The following RAD51B variants were observed in gnomAD, a reference collection of about 807,000 sequenced individuals.
RAD51B encodes RAD51 paralog B, also known as DNA repair protein RAD51 homolog 2.
In RAD51B, 38 loss-of-function variants were observed where a neutral mutation model predicts 42.2. The observed-to-expected ratio is 0.90, with a 90% CI of 0.70 to 1.18. The LOEUF is 1.18. RAD51B is among the 50% of genes most tolerant of loss of function. RAD51B has a pLI of 0.00. For missense variants in RAD51B, 373 were observed against 400.7 expected, an observed-to-expected ratio of 0.93 and a Z score of 0.59; for synonymous variants, 154 against 145.2, an observed-to-expected ratio of 1.06 and a Z score of -0.43.
chr14:68,600,356 C>T (rs1219381630), downstream of RAD51B, among the ~76,000 whole-genome samples: 1 of 152,186 alleles, frequency 6.6e-6, no homozygotes, highest in Admixed American at 6.5e-5. Flanking sequence ...GGCATTGGGC[C>T]AGCATGCTGG....
At chr14:68,600,808 C>T (rs1891187231), downstream of RAD51B, among the ~76,000 whole-genome samples, 1 of 152,180 alleles carries the variant, frequency 6.6e-6, no homozygotes, top group Non-Finnish European at 1.5e-5. Flanking sequence ...TCATCATCAT[C>T]ACCAGAGGTG....
At chr14:68,162,118 GAAAT>G (rs1395834099) in intron 7 of RAD51B, among the ~76,000 whole-genome samples, 1 of 152,172 alleles carries the variant, frequency 6.6e-6, no homozygotes. Context: ...AGTTTTGAGA[GAAAT>G]AAGTAATAGA....
chr14:68,682,916 T>G, intron 11 of RAD51B: 1 of 698,400 alleles, frequency 1.4e-6, no homozygotes, highest in Non-Finnish European at 1.7e-6. Context: ...ATGGCTTTTT[T>G]TTTTTTTTTT....
chr14:67,861,935 G>T (rs2042177277), intron 4 of RAD51B, among the ~76,000 whole-genome samples: 2 of 150,908 alleles, frequency 1.3e-5, no homozygotes, highest in South Asian at 4.2e-4. Context: ...AAAATATTTT[G>T]TATACTCTTC....
chr14:68,342,254 A>G (rs2082585977), intron 8 of RAD51B, among the ~76,000 whole-genome samples: 1 of 152,208 alleles, frequency 6.6e-6, no homozygotes, highest in Non-Finnish European at 1.5e-5. Flanking sequence ...GTGGAATTAA[A>G]TTCTATCCTA....
intron 7 of RAD51B, among the ~76,000 whole-genome samples, chr14:67,987,971 T>C (rs1292306587): frequency 6.6e-6 from 1 of 152,204 alleles, no homozygotes; most frequent in East Asian, 1.9e-4. Flanking sequence ...CTTTTTGAAT[T>C]GCTCAGGTAG....
intron 7 of RAD51B, among the ~76,000 whole-genome samples, chr14:68,140,347 G>C (rs573136106): frequency 6.6e-6 from 1 of 152,170 alleles, no homozygotes; most frequent in African/African-American, 2.4e-5. Context: ...CTTGGCAGAA[G>C]ATTTGAACGT....
At chr14:68,454,279 C>G (rs1246686015) in intron 9 of RAD51B, among the ~76,000 whole-genome samples, 1 of 152,096 alleles carries the variant, frequency 6.6e-6, no homozygotes, top group African/African-American at 2.4e-5. Context: ...TTAGGAGACT[C>G]AATTTTCAGC....
chr14:68,639,769 GTT>G (rs375477358), intron 10 of RAD51B, among the ~76,000 whole-genome samples: 9 of 151,630 alleles, frequency 5.9e-5, no homozygotes, highest in Non-Finnish European at 1.5e-5. Context: ...GTTTTGTTTT[GTT>G]TTTTTTGTTG....
rs573947500 is a variant in RAD51B, at chr14:68,607,738, C to T, written c.1037-3268C>T. Among the ~76,000 whole-genome samples the T allele has an allele frequency of 5.9e-5, 9 of 152,304 alleles. 1 individual carries two copies. The highest frequency in any genetic ancestry group is 1.9e-4 in the African/African-American group (8 of 41,574). ...GATACCATGGGGCACCAGGAAAGGA[C>T]GGGGAGCACACAGCCCCGGGGAGGC... On this transcript the variant is annotated intron_variant, in intron 10 of 10. Coordinates refer to the RAD51B transcript ENST00000487861.
chr14:67,872,977 A>C (rs549852765), intron 5 of RAD51B, among the ~76,000 whole-genome samples: 1 of 152,374 alleles, frequency 6.6e-6, no homozygotes, highest in African/African-American at 2.4e-5. Flanking sequence ...ACCTAAAACC[A>C]TAAAAACCCT....
At chr14:68,370,370 C>G (rs2083228548) in intron 8 of RAD51B, among the ~76,000 whole-genome samples, 1 of 152,160 alleles carries the variant, frequency 6.6e-6, no homozygotes, top group Non-Finnish European at 1.5e-5. Flanking sequence ...TTTTAAAGTT[C>G]CTTTGTGTAC....
intron 7 of RAD51B, among the ~76,000 whole-genome samples, chr14:67,940,051 TATA>T (rs1291392253): frequency 4.0e-4 from 7 of 17,364 alleles, no homozygotes; most frequent in African/African-American, 7.4e-4. Context: ...TATATATATA[TATA>T]TTTTTTTTTT....
chr14:67,977,034 T>C (rs1741221481), intron 7 of RAD51B, among the ~76,000 whole-genome samples: 1 of 152,238 alleles, frequency 6.6e-6, no homozygotes, highest in South Asian at 2.1e-4. Context: ...TCACACCAGT[T>C]AGAATGGCAA....
intron 9 of RAD51B, among the ~76,000 whole-genome samples, chr14:68,464,517 T>C (rs2085925123): frequency 1.3e-5 from 2 of 152,242 alleles, no homozygotes; most frequent in South Asian, 4.1e-4. Flanking sequence ...TGGGTGTAAT[T>C]GAATACATCA....
chr14:68,474,178 A>C (rs1882353415), intron 10 of RAD51B, among the ~76,000 whole-genome samples: 1 of 152,224 alleles, frequency 6.6e-6, no homozygotes, highest in Admixed American at 6.5e-5. Flanking sequence ...TTTAGGTATG[A>C]GAGTTTCACT....
rs141981511 is a variant in RAD51B, at chr14:68,668,749, C to T, written c.*11+17893C>T. On this transcript the variant is annotated intron_variant, in intron 11 of 11. Coordinates refer to the RAD51B transcript ENST00000488612. ...TCCTGCACCCCCAGGCACGCTGATC[C>T]GTGACATCTCTCCCAATCGCTGGTT... Among the ~76,000 whole-genome samples the T allele has an allele frequency of 3.2e-3, 495 of 152,350 alleles. 1 individual carries two copies. Among genetic ancestry groups the T allele is most frequent in the Non-Finnish European group, 5.8e-3 (395 of 68,030 alleles).
chr14:67,895,065 G>C (rs995757418), intron 7 of RAD51B, among the ~76,000 whole-genome samples: 1 of 152,204 alleles, frequency 6.6e-6, no homozygotes, highest in Non-Finnish European at 1.5e-5. Flanking sequence ...ATGAGCCACT[G>C]TGCCTGGCCA....
chr14:68,129,180 AAACTAG>A (rs2077834484), intron 7 of RAD51B, among the ~76,000 whole-genome samples: 1 of 152,172 alleles, frequency 6.6e-6, no homozygotes, highest in Admixed American at 6.5e-5. Context: ...AGTAGAGCCT[AAACTAG>A]AACCTAGGTC....
Sources: gnomAD v4.1 joint callset for allele counts (sites outside exome capture counted in the v4.1 genomes callset) on GRCh38, gnomAD v4.1.1 for gene constraint, MANE v1.5 for transcripts, NCBI Gene and HGNC (gene_info 2026-07-23, HGNC 2026-07-21) for gene names.